The following PTPRD variants were observed in gnomAD, a reference collection of about 807,000 sequenced individuals.
The protein encoded by PTPRD is protein tyrosine phosphatase receptor type D, also known as receptor-type tyrosine-protein phosphatase delta.
In PTPRD, 34 loss-of-function variants were observed where a neutral mutation model predicts 214.5. The ratio of observed to expected loss-of-function variants is 0.16; its 90% CI spans 0.12 to 0.21. PTPRD has a LOEUF of 0.21. Ranked by LOEUF, PTPRD falls within the 10% of genes least tolerant of loss-of-function variation. The pLI is 1.00. For missense variants in PTPRD, 2,545 were observed against 2,398.7 expected, an observed-to-expected ratio of 1.06 and a Z score of -1.27; for synonymous variants, 1,128 against 845.7, an observed-to-expected ratio of 1.33 and a Z score of -5.79.
chr9:9,935,426 C>T (rs1197140033), intron 5 of PTPRD, among the ~76,000 whole-genome samples: 1 of 151,856 alleles, frequency 6.6e-6, no homozygotes, highest in Non-Finnish European at 1.5e-5. Flanking sequence ...TTCTTATACA[C>T]CAACAACAGA....
intron 11 of PTPRD, among the ~76,000 whole-genome samples, chr9:8,822,862 C>T (rs2097099534): frequency 1.3e-5 from 2 of 152,056 alleles, no homozygotes; most frequent in Non-Finnish European, 2.9e-5. Context: ...TAAGCTACGG[C>T]AATTTAACAG....
At chr9:10,508,919 T>G (rs568250080) in intron 2 of PTPRD, among the ~76,000 whole-genome samples, 1 of 152,076 alleles carries the variant, frequency 6.6e-6, no homozygotes, top group Non-Finnish European at 1.5e-5. Context: ...TTTGTGCACA[T>G]GTACCCTAGA....
At chr9:9,317,848 T>A (rs1964141356) in intron 9 of PTPRD, among the ~76,000 whole-genome samples, 1 of 152,108 alleles carries the variant, frequency 6.6e-6, no homozygotes, top group Admixed American at 6.6e-5. Context: ...ATAATAACAA[T>A]CTATCAGGAA....
chr9:9,036,220 A>AC (rs973661644), intron 10 of PTPRD, among the ~76,000 whole-genome samples: 6 of 151,814 alleles, frequency 4.0e-5, no homozygotes, highest in African/African-American at 1.2e-4. Flanking sequence ...AAAAAAAAAA[A>AC]AAAACTTGGC....
At chr9:9,721,362 G>T (rs2097940328) in intron 7 of PTPRD, among the ~76,000 whole-genome samples, 3 of 151,848 alleles carry the variant, frequency 2.0e-5, no homozygotes, top group Non-Finnish European at 1.5e-5. Flanking sequence ...AGAGTATAAG[G>T]ACTATACTAT....
chr9:8,514,787 C>T (rs1282453963), intron 21 of PTPRD, among the ~76,000 whole-genome samples: 1 of 152,124 alleles, frequency 6.6e-6, no homozygotes, highest in African/African-American at 2.4e-5. Context: ...TCTGCGTCCC[C>T]ACCCAAATCT....
chr9:9,275,226 C>T (rs1945135059), intron 9 of PTPRD, among the ~76,000 whole-genome samples: 1 of 99,992 alleles, frequency 1.0e-5, no homozygotes, highest in Non-Finnish European at 1.9e-5. Context: ...TAACCATTAG[C>T]ATTTCATGCT....
intron 11 of PTPRD, among the ~76,000 whole-genome samples, chr9:8,774,102 G>T (rs7874344): frequency 6.6e-6 from 1 of 152,072 alleles, no homozygotes; most frequent in African/African-American, 2.4e-5. Context: ...TCCCCACCTT[G>T]GACAAGCTCC....
rs923124516 is a variant in PTPRD, at chr9:8,644,306, C to T, written c.65-7462G>A. Among the ~76,000 whole-genome samples, 57 of 152,126 alleles carry T rather than the reference C, an allele frequency of 3.7e-4. 1 individual carries two copies. Among genetic ancestry groups the T allele is most frequent in the South Asian group, 2.1e-4 (1 of 4,834 alleles). ...GGAGCTGAACATTCATCAGGACACC[C>T]TGAGACGGAGAGAAGATGCCCACTA... On this transcript the variant is annotated intron_variant, in intron 12 of 45. Transcript: ENST00000381196.
At chr9:10,261,807 C>G (rs2475337) in intron 3 of PTPRD, among the ~76,000 whole-genome samples, 22,063 of 151,932 alleles carry the variant, frequency 0.15, 1,658 homozygotes, top group Admixed American at 0.16. Flanking sequence ...TATATAGGAG[C>G]AAGAAAACTG....
At chr9:10,320,121 A>G (rs1258741532) in intron 3 of PTPRD, among the ~76,000 whole-genome samples, 3 of 152,024 alleles carry the variant, frequency 2.0e-5, no homozygotes, top group Non-Finnish European at 2.9e-5. Flanking sequence ...TTGACTTTTT[A>G]AAGAATAATT....
chr9:9,662,857 T>C (rs1389946559), intron 7 of PTPRD, among the ~76,000 whole-genome samples: 1 of 151,624 alleles, frequency 6.6e-6, no homozygotes, highest in African/African-American at 2.4e-5. Flanking sequence ...TGCTGTGTAC[T>C]AGTTTGATTC....
chr9:9,083,986 A>G (rs1416908426), intron 10 of PTPRD, among the ~76,000 whole-genome samples: 1 of 152,154 alleles, frequency 6.6e-6, no homozygotes, highest in East Asian at 1.9e-4. Flanking sequence ...ATTGTGGAAG[A>G]CAGTGTGGTG....
At chr9:9,866,839 G>A (rs1164500716) in intron 5 of PTPRD, among the ~76,000 whole-genome samples, 1 of 152,052 alleles carries the variant, frequency 6.6e-6, no homozygotes. Flanking sequence ...CTTCAGTAAT[G>A]CTACTCAACA....
chr9:9,776,325 T>C (rs2154486038), intron 5 of PTPRD, among the ~76,000 whole-genome samples: 1 of 152,342 alleles, frequency 6.6e-6, no homozygotes, highest in South Asian at 2.1e-4. Flanking sequence ...TATCCTAGTC[T>C]TAGTTGTATG....
intron 43 of PTPRD, 124 bp downstream of exon 43, chr9:8,338,798 A>G: frequency 1.1e-6 from 1 of 881,328 alleles, no homozygotes; most frequent in Non-Finnish European, 1.6e-6. Context: ...CGTTCTCCAG[A>G]ATGAATGATT....
intron 4 of PTPRD, among the ~76,000 whole-genome samples, chr9:10,001,575 T>C (rs1214256352): frequency 1.3e-5 from 2 of 152,140 alleles, no homozygotes; most frequent in African/African-American, 4.8e-5. Context: ...CAGAAATCAC[T>C]GAAGCCAGAG....
chr9:9,170,316 C>A (rs1174905186), intron 10 of PTPRD, among the ~76,000 whole-genome samples: 1 of 152,034 alleles, frequency 6.6e-6, no homozygotes, highest in East Asian at 1.9e-4. Flanking sequence ...GGTTCTTTGT[C>A]CTTCAAATTT....
chr9:10,191,864 A>G (rs1425299948), intron 3 of PTPRD, among the ~76,000 whole-genome samples: 1 of 152,224 alleles, frequency 6.6e-6, no homozygotes, highest in Non-Finnish European at 1.5e-5. Context: ...CTTCGTCAAA[A>G]CTACTTAGAT....
Sources: gnomAD v4.1 joint callset for allele counts (sites outside exome capture counted in the v4.1 genomes callset) on GRCh38, gnomAD v4.1.1 for gene constraint, MANE v1.5 for transcripts, NCBI Gene and HGNC (gene_info 2026-07-23, HGNC 2026-07-21) for gene names.